The following ACYP2 variants were observed in gnomAD, a reference collection of about 807,000 sequenced individuals.
The protein encoded by ACYP2 is acylphosphatase-2.
In ACYP2, 12 loss-of-function variants were observed where a neutral mutation model predicts 11.2. The observed-to-expected ratio is 1.08, with a 90% CI of 0.69 to 1.74. The LOEUF is 1.74. Ranked by LOEUF, ACYP2 falls within the 40% of genes most tolerant of loss-of-function variation. ACYP2 has a pLI of 0.00. For missense variants in ACYP2, 134 were observed against 101.9 expected (o/e 1.31, Z -1.35); for synonymous variants, 43 against 32.2 (o/e 1.33, Z -1.13).
At chr2:54,234,858 C>A (rs907239185) in intron 6 of ACYP2, among the ~76,000 whole-genome samples, 1 of 152,178 alleles carries the variant, frequency 6.6e-6, no homozygotes, top group African/African-American at 2.4e-5. Context: ...TCCACCCAAG[C>A]TTCACCATAA....
chr2:54,299,209 G>T (rs1689629535), intron 6 of ACYP2, among the ~76,000 whole-genome samples: 1 of 152,136 alleles, frequency 6.6e-6, no homozygotes, highest in Admixed American at 6.5e-5. Context: ...AGGAAATAGG[G>T]TGTATCTTCC....
chr2:54,077,654 C>T (rs1318684816), intron 4 of ACYP2, among the ~76,000 whole-genome samples: 1 of 152,204 alleles, frequency 6.6e-6, no homozygotes, highest in African/African-American at 2.4e-5. Flanking sequence ...CAAAATTGTT[C>T]TGCAAGGGAA....
intron 2 of ACYP2, among the ~76,000 whole-genome samples, chr2:54,022,839 C>T (rs1055769425): frequency 6.6e-6 from 1 of 152,160 alleles, no homozygotes; most frequent in African/African-American, 2.4e-5. Context: ...AAGAGGAATC[C>T]GAATGGACAG....
chr2:54,128,562 A>C (rs1255974905), intron 4 of ACYP2, among the ~76,000 whole-genome samples: 2 of 152,052 alleles, frequency 1.3e-5, no homozygotes, highest in African/African-American at 4.8e-5. Flanking sequence ...AGCTACTTGG[A>C]ATGTTGAGGT....
intron 2 of ACYP2, among the ~76,000 whole-genome samples, chr2:53,988,146 C>T (rs894365776): frequency 6.6e-6 from 1 of 152,050 alleles, no homozygotes; most frequent in Non-Finnish European, 1.5e-5. Flanking sequence ...AGGAGGATTA[C>T]TTGAGTCCAG....
chr2:54,166,089 C>T (rs1202965872), intron 6 of ACYP2, among the ~76,000 whole-genome samples: 5 of 152,172 alleles, frequency 3.3e-5, no homozygotes, highest in African/African-American at 4.8e-5. Context: ...GTGCCTCATT[C>T]TTAATGCTCT....
intron 6 of ACYP2, among the ~76,000 whole-genome samples, chr2:54,250,278 A>C (rs900905563): frequency 6.6e-6 from 1 of 152,168 alleles, no homozygotes; most frequent in African/African-American, 2.4e-5. Context: ...GGAGTTCGAG[A>C]CCAGCGTGGC....
chr2:54,128,068 C>G (rs540799009), intron 4 of ACYP2, among the ~76,000 whole-genome samples: 1 of 152,184 alleles, frequency 6.6e-6, no homozygotes, highest in Non-Finnish European at 1.5e-5. Flanking sequence ...TCCCTTTTGT[C>G]CAGTCATTCA....
intron 2 of ACYP2, among the ~76,000 whole-genome samples, chr2:54,043,692 C>T (rs1675364219): frequency 6.6e-6 from 1 of 152,116 alleles, no homozygotes; most frequent in Non-Finnish European, 1.5e-5. Context: ...GATAATGGGT[C>T]TGATATGATG....
intron 4 of ACYP2, among the ~76,000 whole-genome samples, chr2:54,086,575 G>A (rs1677959274): frequency 6.6e-6 from 1 of 152,094 alleles, no homozygotes; most frequent in African/African-American, 2.4e-5. Context: ...TATCATTTTG[G>A]TCTGAGAACC....
intron 4 of ACYP2, among the ~76,000 whole-genome samples, chr2:54,067,571 C>G (rs1277559778): frequency 6.6e-6 from 1 of 152,128 alleles, no homozygotes; most frequent in Non-Finnish European, 1.5e-5. Context: ...TTGTTATCTG[C>G]TAGGGAAAAA....
intron 6 of ACYP2, among the ~76,000 whole-genome samples, chr2:54,266,795 C>G (rs1260755597): frequency 1.3e-5 from 2 of 151,226 alleles, no homozygotes; most frequent in Admixed American, 6.6e-5. Flanking sequence ...TTTTTTAGTA[C>G]AGACGGGGTT....
intron 6 of ACYP2, chr2:54,256,164 C>A (rs746359168): frequency 1.2e-6 from 2 of 1,602,288 alleles, no homozygotes; most frequent in South Asian, 2.2e-5. Context: ...TGGTAGCGGC[C>A]AGGGCAGCAG....
intron 6 of ACYP2, among the ~76,000 whole-genome samples, chr2:54,272,369 G>A (rs1440816710): frequency 1.3e-5 from 2 of 152,166 alleles, no homozygotes; most frequent in Non-Finnish European, 2.9e-5. Context: ...AGTGATCTAT[G>A]AGGAACTAGG....
chr2:54,101,142 G>A (rs1678869932), intron 4 of ACYP2, among the ~76,000 whole-genome samples: 1 of 152,098 alleles, frequency 6.6e-6, no homozygotes, highest in South Asian at 2.1e-4. Flanking sequence ...TGAGAGAGCT[G>A]CATTTGAACC....
At chr2:54,133,602 C>T in intron 4 of ACYP2, among the ~76,000 whole-genome samples, 2 of 152,150 alleles carry the variant, frequency 1.3e-5, no homozygotes, top group East Asian at 3.8e-4. Context: ...CAAGTAGGAG[C>T]CCAGATGTGG....
At chr2:54,062,186 A>G (rs1019623486) in intron 4 of ACYP2, among the ~76,000 whole-genome samples, 12 of 152,150 alleles carry the variant, frequency 7.9e-5, no homozygotes, top group African/African-American at 2.9e-4. Context: ...GGGGTTACAG[A>G]GTCTGTTTCT....
At chr2:54,271,174 G>A (rs12622470) in intron 6 of ACYP2, among the ~76,000 whole-genome samples, 24,143 of 152,108 alleles carry the variant, frequency 0.16, 1,925 homozygotes, top group African/African-American at 0.2. Context: ...CCCTCCCTAA[G>A]ACTGATCCCC....
chr2:54,061,516 A>C (rs1437004967), intron 4 of ACYP2, among the ~76,000 whole-genome samples: 1 of 152,194 alleles, frequency 6.6e-6, no homozygotes, highest in African/African-American at 2.4e-5. Flanking sequence ...TGAACCTTAG[A>C]GGGCTGGTCT....
Sources: gnomAD v4.1 joint callset for allele counts (sites outside exome capture counted in the v4.1 genomes callset) on GRCh38, gnomAD v4.1.1 for gene constraint, MANE v1.5 for transcripts, NCBI Gene and HGNC (gene_info 2026-07-23, HGNC 2026-07-21) for gene names.